PAPPA: variants seen among roughly 807,000 people sequenced by gnomAD.
The protein encoded by PAPPA is pappalysin 1.
In PAPPA, 60 loss-of-function variants were observed where a neutral mutation model predicts 164.0. The observed-to-expected ratio is 0.37, with a 90% CI of 0.30 to 0.45. The LOEUF (loss-of-function observed/expected upper bound fraction) is 0.45, where lower values mean the gene tolerates loss of function less well. Among genes scored for constraint, PAPPA ranks in the 20% least tolerant of loss-of-function variants. The probability of loss-of-function intolerance (pLI) is 1.00; values close to 1 mark genes in which losing one functional copy is unlikely to be tolerated. For missense variants in PAPPA, 1,782 were observed against 2,087.3 expected, an observed-to-expected ratio of 0.85 and a Z score of 2.85; for synonymous variants, 875 against 814.1, an observed-to-expected ratio of 1.07 and a Z score of -1.27.
At chr9:116,320,741 G>A (rs74535178) in intron 10 of PAPPA, among the ~76,000 whole-genome samples, 1,603 of 152,202 alleles carry the variant, frequency 0.011, 24 homozygotes, top group African/African-American at 0.035. Flanking sequence ...GGAAGTGTGT[G>A]TGTATGTGTA....
intron 4 of PAPPA, among the ~76,000 whole-genome samples, chr9:116,215,108 A>G (rs1290410547): frequency 6.6e-6 from 1 of 152,196 alleles, no homozygotes; most frequent in Non-Finnish European, 1.5e-5. Flanking sequence ...GCCACTAAAG[A>G]TGACAGAGAA....
intron 10 of PAPPA, among the ~76,000 whole-genome samples, chr9:116,309,950 C>G (rs897642476): frequency 1.3e-5 from 2 of 152,192 alleles, no homozygotes; most frequent in African/African-American, 4.8e-5. Context: ...TAATATTCCT[C>G]TCTCAAAATG....
chr9:116,264,721 G>A (rs1157548096), intron 7 of PAPPA, among the ~76,000 whole-genome samples: 1 of 152,060 alleles, frequency 6.6e-6, no homozygotes, highest in Non-Finnish European at 1.5e-5. Flanking sequence ...TTATCATTTT[G>A]TGTTTTTTCC....
chr9:116,183,186 G>A (rs1843927349), intron 1 of PAPPA, among the ~76,000 whole-genome samples: 1 of 152,042 alleles, frequency 6.6e-6, no homozygotes, highest in Non-Finnish European at 1.5e-5. Flanking sequence ...GGGTTCTTTT[G>A]TGTCCTCCAG....
At chr9:116,391,675 C>T (rs753986383) in intron 21 of PAPPA, among the ~76,000 whole-genome samples, 5 of 152,316 alleles carry the variant, frequency 3.3e-5, no homozygotes, top group East Asian at 1.9e-4. Flanking sequence ...TCTCTAGCCC[C>T]GAGTAAAAAC....
At chr9:116,392,664 G>T (rs1161120229) in intron 21 of PAPPA, among the ~76,000 whole-genome samples, 1 of 152,150 alleles carries the variant, frequency 6.6e-6, no homozygotes, top group African/African-American at 2.4e-5. Context: ...TTGTAACAGA[G>T]GAGGCTCTGA....
intron 2 of PAPPA, among the ~76,000 whole-genome samples, chr9:116,189,005 A>G (rs151014522): frequency 8.5e-5 from 13 of 152,328 alleles, no homozygotes; most frequent in Non-Finnish European, 1.5e-4. Flanking sequence ...GTGTTTAGGG[A>G]GTGCCCTAGA....
intron 8 of PAPPA, among the ~76,000 whole-genome samples, chr9:116,266,876 G>A (rs746806779): frequency 3.9e-4 from 60 of 152,266 alleles, no homozygotes; most frequent in Non-Finnish European, 7.2e-4. Flanking sequence ...TTGCTAAAAT[G>A]TTTATTTGCA....
At chr9:116,330,166 G>A (rs1845971082) in intron 10 of PAPPA, among the ~76,000 whole-genome samples, 1 of 152,080 alleles carries the variant, frequency 6.6e-6, no homozygotes, top group South Asian at 2.1e-4. Flanking sequence ...GAAATGACAG[G>A]CCCAAATTCA....
At chr9:116,395,594 G>C (rs1238413251) in intron 21 of PAPPA, among the ~76,000 whole-genome samples, 1 of 152,212 alleles carries the variant, frequency 6.6e-6, no homozygotes, top group Admixed American at 6.5e-5. Context: ...TTATCTCCTG[G>C]ATGGGGAAGA....
intron 7 of PAPPA, among the ~76,000 whole-genome samples, chr9:116,240,084 G>C (rs1319636077): frequency 6.6e-6 from 1 of 152,146 alleles, no homozygotes; most frequent in Non-Finnish European, 1.5e-5. Flanking sequence ...AAATACTCTG[G>C]ACAAAACTGA....
At chr9:116,336,939 CATT>C (rs1324395311) in intron 13 of PAPPA, among the ~76,000 whole-genome samples, 1 of 152,132 alleles carries the variant, frequency 6.6e-6, no homozygotes, top group Non-Finnish European at 1.5e-5. Flanking sequence ...TAGAAAGGAA[CATT>C]ATCTTATTTT....
intron 1 of PAPPA, among the ~76,000 whole-genome samples, chr9:116,166,269 T>C (rs1362315236): frequency 2.0e-5 from 3 of 152,224 alleles, no homozygotes; most frequent in Admixed American, 6.5e-5. Flanking sequence ...TCAGCTCACA[T>C]TGGGCTTTCT....
At chr9:116,334,294 C>T (rs1204171874) in intron 12 of PAPPA, among the ~76,000 whole-genome samples, 1 of 151,330 alleles carries the variant, frequency 6.6e-6, no homozygotes, top group Non-Finnish European at 1.5e-5. Context: ...TTGAATTCTC[C>T]CTAGAGTTTT....
intron 18 of PAPPA, among the ~76,000 whole-genome samples, chr9:116,367,132 G>A (rs1241914005): frequency 2.0e-5 from 3 of 152,188 alleles, no homozygotes; most frequent in Non-Finnish European, 4.4e-5. Context: ...CTTGAATAAT[G>A]GATAGAATTC....
chr9:116,294,281 AC>A (rs748677358), intron 9 of PAPPA, among the ~76,000 whole-genome samples: 39 of 152,164 alleles, frequency 2.6e-4, no homozygotes, highest in South Asian at 1.5e-3. Flanking sequence ...TATGTGGCCA[AC>A]CTTTGAAGGA....
At chr9:116,329,830 A>G (rs1295034356) in intron 10 of PAPPA, among the ~76,000 whole-genome samples, 1 of 152,160 alleles carries the variant, frequency 6.6e-6, no homozygotes, top group East Asian at 1.9e-4. Context: ...TCATCCTTGT[A>G]TATGAATCCA....
In PAPPA at chr9:116,271,203, A is replaced by T; in HGVS notation, c.2862-122A>T. The T allele has an allele frequency of 1.5e-6, 1 of 674,502 alleles. No individual in the cohort carries two copies. The highest frequency in any genetic ancestry group is 2.7e-6 in the Non-Finnish European group (1 of 373,792). The allele number at this position is 674,502 out of a possible 1,614,324, so 41.8% of individuals were successfully genotyped here. On this transcript the variant is annotated intron_variant, in intron 8 of 21. Transcript: ENST00000328252. This position sits in a 1 kb window ranked among gnomAD's most constrained non-coding sequence, Gnocchi z 4.2. Reference sequence around the variant, plus strand: ...TGAAGATGAAGAAGCAGAGACTCAGACAGAGAAAGGGATTTGTGCAAGGTC... The same window carrying T: ...TGAAGATGAAGAAGCAGAGACTCAGTCAGAGAAAGGGATTTGTGCAAGGTC...
intron 2 of PAPPA, among the ~76,000 whole-genome samples, chr9:116,200,594 C>T: frequency 6.6e-6 from 1 of 152,102 alleles, no homozygotes; most frequent in East Asian, 1.9e-4. Flanking sequence ...GTAAACTTTC[C>T]CAAATGGTAG....
Sources: allele counts gnomAD v4.1 joint callset (sites outside exome capture counted in the v4.1 genomes callset), GRCh38; gene constraint gnomAD v4.1.1; non-coding constraint Gnocchi (gnomAD v3.1); transcripts MANE v1.5; gene names NCBI Gene and HGNC (gene_info 2026-07-23, HGNC 2026-07-21).